The following LRMDA variants were observed in gnomAD, a reference collection of about 807,000 sequenced individuals.
LRMDA encodes leucine rich melanocyte differentiation associated.
In LRMDA, 18 loss-of-function variants were observed where a neutral mutation model predicts 29.8. The observed-to-expected ratio is 0.60, with a 90% CI of 0.42 to 0.90. The LOEUF (loss-of-function observed/expected upper bound fraction) is 0.90. Among genes scored for constraint, LRMDA ranks in the 40% least tolerant of loss-of-function variants. The probability of loss-of-function intolerance (pLI) is 0.00; values close to 1 mark genes in which losing one functional copy is unlikely to be tolerated. For missense variants in LRMDA, 273 were observed against 273.9 expected (o/e 1.00, Z 0.02); for synonymous variants, 125 against 109.4 (o/e 1.14, Z -0.89).
chr10:75,968,616 A>G (rs180796217), intron 2 of LRMDA, among the ~76,000 whole-genome samples: 1 of 152,320 alleles, frequency 6.6e-6, no homozygotes, highest in East Asian at 1.9e-4. Flanking sequence ...TTATCCAATT[A>G]AACTAGGAGC....
At chr10:76,506,205 T>C (rs1431420161) in intron 6 of LRMDA, among the ~76,000 whole-genome samples, 1 of 152,224 alleles carries the variant, frequency 6.6e-6, no homozygotes, top group Non-Finnish European at 1.5e-5. Flanking sequence ...GCTTCCTGAC[T>C]GTGTCCAGTT....
intron 2 of LRMDA, among the ~76,000 whole-genome samples, chr10:75,858,985 A>T (rs1170236204): frequency 6.6e-6 from 1 of 152,256 alleles, no homozygotes; most frequent in African/African-American, 2.4e-5. Flanking sequence ...TACATTCAGC[A>T]GCTTGCTGTT....
chr10:76,329,687 A>G (rs1589139190), intron 6 of LRMDA, among the ~76,000 whole-genome samples: 1 of 152,190 alleles, frequency 6.6e-6, no homozygotes, highest in Admixed American at 6.5e-5. Context: ...GTCACAAAGT[A>G]ATTTATATAG....
intron 2 of LRMDA, among the ~76,000 whole-genome samples, chr10:75,690,913 C>T (rs1842136388): frequency 1.3e-5 from 2 of 148,438 alleles, no homozygotes; most frequent in African/African-American, 5.0e-5. Context: ...TTTGAGGCTG[C>T]AGTGAGCTGT....
At chr10:75,506,971 G>A (rs1845175111) in intron 2 of LRMDA, among the ~76,000 whole-genome samples, 2 of 152,160 alleles carry the variant, frequency 1.3e-5, no homozygotes, top group Admixed American at 6.5e-5. Flanking sequence ...TGGGGCCCTT[G>A]GGGAGAGTTG....
intron 2 of LRMDA, among the ~76,000 whole-genome samples, chr10:75,860,720 G>A (rs1047167046): frequency 3.9e-5 from 6 of 152,124 alleles, no homozygotes; most frequent in African/African-American, 1.4e-4. Flanking sequence ...AGGCTTTGAG[G>A]CATGTGAGTC....
Position 75,441,081 on chromosome 10 carries a change from GA to G in LRMDA, c.131+2591del, listed in dbSNP as rs543798064. 4.8e-3 allele frequency among the ~76,000 whole-genome samples: 734 copies of G among 152,040 alleles called. 8 individuals are homozygous for G. Among genetic ancestry groups the G allele is most frequent in the African/African-American group, 0.016 (679 of 41,464 alleles). The stretch of plus-strand genomic sequence containing the variant: ...GAAAAAAGAATAAACAGGAGAGGGG[GA>G]AAATAGGGAGAAGAGAAGAGACAGG... On this transcript the variant is annotated intron_variant, in intron 2 of 6. Transcript: ENST00000611255.
intron 3 of LRMDA, among the ~76,000 whole-genome samples, chr10:76,046,301 A>G (rs1378023393): frequency 2.6e-5 from 4 of 152,272 alleles, no homozygotes; most frequent in African/African-American, 9.6e-5. Flanking sequence ...CTGTGAATCT[A>G]TGGCTCTTGC....
At chr10:75,642,079 T>A (rs1293184098) in intron 2 of LRMDA, among the ~76,000 whole-genome samples, 1 of 152,082 alleles carries the variant, frequency 6.6e-6, no homozygotes, top group African/African-American at 2.4e-5. Context: ...GACCATTACG[T>A]TGGGTTCTGT....
At chr10:76,224,242 A>C (rs1045375189) in intron 5 of LRMDA, among the ~76,000 whole-genome samples, 1 of 151,778 alleles carries the variant, frequency 6.6e-6, no homozygotes, top group Non-Finnish European at 1.5e-5. Context: ...TTCTAAGAGC[A>C]CTTGAGGAAC....
intron 2 of LRMDA, among the ~76,000 whole-genome samples, chr10:75,440,075 G>C (rs1844310420): frequency 6.6e-6 from 1 of 151,438 alleles, no homozygotes; most frequent in Admixed American, 6.6e-5. Flanking sequence ...TGGGTTTGAG[G>C]AAACACAGCC....
At chr10:75,678,870 C>G (rs1418366134) in intron 2 of LRMDA, among the ~76,000 whole-genome samples, 2 of 152,098 alleles carry the variant, frequency 1.3e-5, no homozygotes, top group African/African-American at 4.8e-5. Context: ...TGTTAAGGAC[C>G]AAGGACTCGA....
chr10:76,041,414 A>G (rs1460379768), intron 3 of LRMDA, among the ~76,000 whole-genome samples: 2 of 152,212 alleles, frequency 1.3e-5, no homozygotes, highest in African/African-American at 2.4e-5. Flanking sequence ...TAGCTGTGTG[A>G]CCGTTAACCC....
intron 2 of LRMDA, among the ~76,000 whole-genome samples, chr10:75,758,590 T>C (rs1843060397): frequency 6.6e-6 from 1 of 152,212 alleles, no homozygotes; most frequent in South Asian, 2.1e-4. Flanking sequence ...GCAGGAGCTA[T>C]GTTGTTACTC....
chr10:75,680,252 G>T (rs1226290079), intron 2 of LRMDA, among the ~76,000 whole-genome samples: 4 of 152,186 alleles, frequency 2.6e-5, no homozygotes, highest in African/African-American at 4.8e-5. Context: ...AGTTACTGTG[G>T]CCAGGAGTAA....
intron 2 of LRMDA, among the ~76,000 whole-genome samples, chr10:75,582,008 G>A (rs939007734): frequency 1.3e-5 from 2 of 152,252 alleles, no homozygotes; most frequent in African/African-American, 2.4e-5. Flanking sequence ...GATGTGAGGG[G>A]TGGGCTCCCA....
intron 2 of LRMDA, among the ~76,000 whole-genome samples, chr10:75,637,921 T>C (rs934358011): frequency 1.3e-5 from 2 of 152,192 alleles, no homozygotes; most frequent in Non-Finnish European, 2.9e-5. Context: ...GAATCCTCTC[T>C]CATTAAGTGT....
chr10:75,752,496 C>T (rs113551417), intron 2 of LRMDA, among the ~76,000 whole-genome samples: 4 of 152,160 alleles, frequency 2.6e-5, no homozygotes, highest in Non-Finnish European at 5.9e-5. Context: ...AGGTGTGAAC[C>T]ACCACGCCCA....
intron 5 of LRMDA, among the ~76,000 whole-genome samples, chr10:76,093,967 G>A (rs928905573): frequency 1.3e-5 from 2 of 152,052 alleles, no homozygotes; most frequent in Admixed American, 6.6e-5. Flanking sequence ...CACGCTATCC[G>A]CCAAAATGCT....
Sources: allele counts gnomAD v4.1 joint callset (sites outside exome capture counted in the v4.1 genomes callset), GRCh38; gene constraint gnomAD v4.1.1; transcripts MANE v1.5; gene names NCBI Gene and HGNC (gene_info 2026-07-23, HGNC 2026-07-21).